Variants in TRIM25 observed in about 807,000 individuals in gnomAD.
TRIM25 encodes the protein tripartite motif containing 25, also known as E3 ubiquitin/ISG15 ligase TRIM25.
Under a neutral mutation model 65.2 loss-of-function variants are expected in TRIM25, and 45 were observed. That is an observed-to-expected ratio of 0.69 (90% CI 0.54 to 0.89). The LOEUF (loss-of-function observed/expected upper bound fraction) is 0.89, where lower values mean the gene tolerates loss of function less well. Among genes scored for constraint, TRIM25 ranks in the 40% least tolerant of loss-of-function variants. TRIM25 has a pLI of 0.00. For synonymous variants in TRIM25, 321 were observed against 340.4 expected, an observed-to-expected ratio of 0.94 and a Z score of 0.63; for missense variants, 714 against 803.7, an observed-to-expected ratio of 0.89 and a Z score of 1.35.
At chr17:56,911,851 C>A (rs906315787) in intron 1 of TRIM25, among the ~76,000 whole-genome samples, 3 of 151,512 alleles carry the variant, frequency 2.0e-5, no homozygotes, top group Non-Finnish European at 4.4e-5. Flanking sequence ...ATGATCACCC[C>A]ACTGTACTCC....
chr17:56,913,813 G>A lies in TRIM25; in HGVS notation c.176C>T (p.Ala59Val), dbSNP rs1438188204. Residue 59 changes from alanine to valine, a missense_variant, in exon 1 of 9, where the codon GCG becomes GTG. Transcript: ENST00000316881. The surrounding 1 kb of genome is among the most constrained non-coding windows in gnomAD (Gnocchi z 6.1). ...LCPQCRAVYQ[A>V]RPQLHKNTVL... ...CGTGTTCTTGTGCAGCTGCGGTCGC[G>A]CCTGGTAGACGGCGCGGCACTGCGG... 2 of 1,564,352 alleles carry A rather than the reference G, an allele frequency of 1.3e-6. No homozygotes were observed. The highest frequency in any genetic ancestry group is 1.4e-5 in the African/African-American group (1 of 73,746).
Position 56,901,468 on chromosome 17 carries a change from G to A in TRIM25, c.1038C>T (p.Asn346=), listed in dbSNP as rs533191853. The stretch of plus-strand genomic sequence containing the variant: ...GCCGCCCGATGCACTGCTTCAGCTC[G>A]TTTTTGAGGTCTATGGTGCTCTGGT... ...GIHQSTIDLK[N]ELKQCIGRLQ... Residue 346 remains asparagine (N), a synonymous_variant, in exon 4 of 9, where the codon AAC becomes AAT. Coordinates refer to ENST00000316881, the MANE Select transcript of TRIM25 (RefSeq NM_005082.5). The A allele has an allele frequency of 4.5e-5, 72 of 1,614,138 alleles. 1 individual carries two copies. The highest frequency in any genetic ancestry group is 3.3e-4 in the Middle Eastern group (2 of 6,056).
chr17:56,902,214 T>C (rs1371720066), intron 3 of TRIM25, among the ~76,000 whole-genome samples: 2 of 152,202 alleles, frequency 1.3e-5, no homozygotes, highest in Admixed American at 6.5e-5. Context: ...CAGGCCTCAG[T>C]GCACAGAGAC....
In TRIM25 at chr17:56,895,397, T is replaced by C. The variant is rs1909270712; in HGVS notation, c.1309A>G (p.Lys437Glu). The change falls in exon 8 of 9, where the codon AAG (lysine) becomes GAG (glutamate). Residue 437 changes from lysine to glutamate, a missense_variant. Coordinates refer to ENST00000316881, the MANE Select transcript of TRIM25 (RefSeq NM_005082.5). ...TSSHPNSTSL[K>E]AKVLETFLAK... ...AGGAAGGTCTCCAGCACCTTGGCCT[T>C]GAGAGATGTTGAGTTCGGATGTGAG... The C allele has an allele frequency of 6.2e-7, 1 of 1,613,696 alleles. No homozygotes were observed. The highest frequency in any genetic ancestry group is 1.3e-5 in the African/African-American group (1 of 74,972).
chr17:56,913,699 G>A lies in TRIM25; in HGVS notation c.290C>T (p.Ser97Phe), dbSNP rs1165384134. 4 of 1,581,592 alleles carry A rather than the reference G, an allele frequency of 2.5e-6. No homozygotes were observed. The highest frequency in any genetic ancestry group is 3.5e-5 in the Admixed American group (2 of 57,052). Residue 97 changes from serine to phenylalanine, a missense_variant, in exon 1 of 9, where the codon TCT becomes TTT. Around this residue, in one of 3 missense-constraint regions of TRIM25, gnomAD observed 291 missense variants for 281.8 expected, o/e 1.03. Transcript: ENST00000316881. This position sits in a 1 kb window ranked among gnomAD's most constrained non-coding sequence, Gnocchi z 6.1. ...CACCTGGGCATTCGGGCTGGGTGCA[G>A]AGGCGCGGGCGGGCGGCGTCCAGAC... ...ADVWTPPARASAPSPNAQVAC... is the reference protein window; with the variant it reads ...ADVWTPPARAFAPSPNAQVAC...
chr17:56,912,172 G>C (rs1224205597), intron 1 of TRIM25: 1 of 152,266 alleles, frequency 6.6e-6, no homozygotes, highest in Non-Finnish European at 1.5e-5. Context: ...GGTGCTGTGA[G>C]AATGAAATGA....
At chr17:56,907,634 A>G (rs1171295170) in intron 2 of TRIM25, among the ~76,000 whole-genome samples, 1 of 152,164 alleles carries the variant, frequency 6.6e-6, no homozygotes, top group Non-Finnish European at 1.5e-5. Context: ...CCACTCCAAC[A>G]CTTCCACTAT....
Position 56,890,868 on chromosome 17 carries a change from G to A in TRIM25, c.*832C>T. 2.2e-6 allele frequency: 1 copy of A among 456,722 alleles called. No homozygotes were observed. Among genetic ancestry groups the A allele is most frequent in the South Asian group, 1.5e-5 (1 of 64,568 alleles). 28.3% of individuals were successfully genotyped at this position (456,722 alleles called of 1,614,324 possible). ...CCACAGCCAAGGCTATGGGAAGCAA[G>A]GCCTCCAGCAAAGCTCATGGCTGCC... On this transcript the variant is annotated 3_prime_UTR_variant, in exon 9 of 9. Transcript: ENST00000316881.
In TRIM25 at chr17:56,913,403, C is replaced by A; in HGVS notation, c.586G>T (p.Ala196Ser). The change falls in exon 1 of 9, where the codon GCC becomes TCC. Residue 196 changes from alanine (A) to serine (S), a missense_variant. Transcript: ENST00000316881. The surrounding 1 kb of genome is among the most constrained non-coding windows in gnomAD (Gnocchi z 6.1). Reference protein sequence around the residue: ...CSPASLSQASADLEATLRHKL... With the variant: ...CSPASLSQASSDLEATLRHKL... ...AGGCCGTTCCCTACCTCCAGGTCGG[C>A]GCTGGCCTGGCTCAGGGACGCGGGA... 6.4e-7 allele frequency: 1 copy of A among 1,568,726 alleles called. No homozygotes were observed.
chr17:56,891,757 G>A lies in TRIM25; in HGVS notation c.1836C>T (p.Tyr612=), dbSNP rs564620843. 6.2e-7 allele frequency: 1 copy of A among 1,614,194 alleles called. No homozygotes were observed. Among genetic ancestry groups the A allele is most frequent in the African/African-American group, 1.3e-5 (1 of 75,038 alleles). The change falls in exon 9 of 9, where the codon TAC becomes TAT. Residue 612 remains tyrosine (Y), a synonymous_variant. Coordinates refer to ENST00000316881, the MANE Select transcript of TRIM25 (RefSeq NM_005082.5). ...KFRVDFTEAL[Y]PAFWVFSAGA... is the part of the protein sequence containing the mutation. ...CAGCAGAAAATACCCAGAAAGCCGG[G>A]TACAAAGCCTCAGTAAAGTCCACCC...
rs760966654 is a variant in TRIM25, at chr17:56,895,330, C to G, written c.1363+13G>C. The G allele has an allele frequency of 7.9e-5, 128 of 1,610,698 alleles. No homozygotes were observed. Among genetic ancestry groups the G allele is most frequent in the Non-Finnish European group, 9.1e-5 (107 of 1,177,446 alleles). On this transcript the variant is annotated intron_variant, in intron 8 of 8. Coordinates refer to ENST00000316881, the MANE Select transcript of TRIM25 (RefSeq NM_005082.5). ...AACCAGTGGAACCGCGCACCAGCCC[C>G]GAAGCTACTCACACTCCAGGAGCTC...
rs766257658 is a variant in TRIM25 at position 56,913,728 on chromosome 17, G to A, written c.261C>T (p.Ala87=). 1 of 1,558,058 alleles carries A rather than the reference G, an allele frequency of 6.4e-7. No individual in the cohort carries two copies. Among genetic ancestry groups the A allele is most frequent in the Admixed American group, 1.8e-5 (1 of 54,716 alleles). The change falls in exon 1 of 9, where the codon GCC becomes GCT. Residue 87 remains alanine, a synonymous_variant. Coordinates refer to ENST00000316881, the MANE Select transcript of TRIM25 (RefSeq NM_005082.5). This position sits in a 1 kb window ranked among gnomAD's most constrained non-coding sequence, Gnocchi z 6.1. ...LQADLAREPP[A]DVWTPPARAS... ...CGCGGGCGGGCGGCGTCCAGACGTC[G>A]GCGGGTGGCTCCCGGGCCAGGTCGG...
At chr17:56,899,714 A>G (rs1475965243) in intron 4 of TRIM25, among the ~76,000 whole-genome samples, 1 of 152,208 alleles carries the variant, frequency 6.6e-6, no homozygotes, top group Non-Finnish European at 1.5e-5. Flanking sequence ...TTCAAGCCCA[A>G]TCTTGGACTA....
intron 1 of TRIM25, among the ~76,000 whole-genome samples, chr17:56,911,778 C>T (rs1422146861): frequency 6.6e-6 from 1 of 151,790 alleles, no homozygotes; most frequent in Non-Finnish European, 1.5e-5. Flanking sequence ...TGTAGTACTA[C>T]CTACTCAGGA....
In TRIM25 at chr17:56,899,096, CA is replaced by C. The variant is rs769224772; in HGVS notation, c.1153+18del. ...CACAGCCATGCTGTTGCCATGGAGA[CA>C]GGGGTGGGGCTACTTACTGGAGACC... On this transcript the variant is annotated intron_variant, in intron 5 of 8. Coordinates refer to ENST00000316881, the MANE Select transcript of TRIM25 (RefSeq NM_005082.5). 3 of 1,613,914 alleles carry C rather than the reference CA, an allele frequency of 1.9e-6. No homozygotes were observed. Among genetic ancestry groups the C allele is most frequent in the Admixed American group, 1.7e-5 (1 of 60,002 alleles).
intron 5 of TRIM25, 167 bp downstream of exon 5, chr17:56,898,948 C>G (rs532723807): frequency 1.5e-6 from 1 of 667,148 alleles, no homozygotes; most frequent in East Asian, 2.8e-5. Context: ...GACAGCGGAG[C>G]TTCTGCCACA....
intron 3 of TRIM25, among the ~76,000 whole-genome samples, chr17:56,901,910 A>G (rs1909419867): frequency 6.6e-6 from 1 of 152,166 alleles, no homozygotes; most frequent in African/African-American, 2.4e-5. Flanking sequence ...TTTTCCAGCT[A>G]AAGGTGGAAA....
intron 4 of TRIM25, among the ~76,000 whole-genome samples, chr17:56,900,895 C>T (rs1909396718): frequency 6.6e-6 from 1 of 152,116 alleles, no homozygotes; most frequent in Non-Finnish European, 1.5e-5. Flanking sequence ...CTGGCTGCAG[C>T]GGCAGATGCA....
rs988476993 is a variant in TRIM25, at chr17:56,899,146, G to T, written c.1122C>A (p.His374Gln). 1 of 1,614,030 alleles carries T rather than the reference G, an allele frequency of 6.2e-7. No homozygotes were observed. Among genetic ancestry groups the T allele is most frequent in the Non-Finnish European group, 8.5e-7 (1 of 1,179,988 alleles). The change falls in exon 5 of 9, where the codon CAC becomes CAA. Residue 374 changes from histidine (H) to glutamine (Q), a missense_variant. By Grantham distance (24) the His-to-Gln change is conservative (BLOSUM62 0). This residue lies in a region of TRIM25 where 413 missense variants were observed against 498.2 expected (regional missense o/e 0.83). Transcript: ENST00000316881. ...CCTTCTTCACAGGGCGTGTGGATTT[G>T]TGTGTGGACGCTGGGTCATGCTCTC... The part of the protein sequence containing the change: ...DPGEHDPAST[H>Q]KSTRPVKKVS...
Sources: allele counts gnomAD v4.1 joint callset (sites outside exome capture counted in the v4.1 genomes callset), GRCh38; gene constraint gnomAD v4.1.1; regional missense constraint gnomAD v4.1.1; non-coding constraint Gnocchi (gnomAD v3.1); transcripts MANE v1.5; gene names NCBI Gene and HGNC (gene_info 2026-07-23, HGNC 2026-07-21).